Variants in TUT4 observed in about 807,000 individuals in gnomAD.
TUT4 encodes the protein terminal uridylyl transferase 4, also known as terminal uridylyltransferase 4.
A neutral mutation model predicts 192.2 loss-of-function variants in TUT4; 36 were observed. The observed-to-expected ratio is 0.19, with a 90% confidence interval of 0.14 to 0.25. The LOEUF is 0.25. Among genes scored for constraint, TUT4 ranks in the 10% least tolerant of loss-of-function variants. The pLI, the probability that TUT4 is intolerant of heterozygous loss-of-function variation, is 1.00. For synonymous variants in TUT4, 618 were observed against 666.0 expected (o/e 0.93, Z 1.11); for missense variants, 1,493 against 1,957.2 (o/e 0.76, Z 4.47).
At chr1:52,436,013 T>A (rs1478835837) in intron 26 of TUT4, among the ~76,000 whole-genome samples, 1 of 152,208 alleles carries the variant, frequency 6.6e-6, no homozygotes, top group Admixed American at 6.5e-5. Flanking sequence ...TATTTTTTTT[T>A]AATAAACTCT....
intron 1 of TUT4, among the ~76,000 whole-genome samples, chr1:52,537,954 G>C (rs1297984373): frequency 1.3e-5 from 2 of 152,078 alleles, no homozygotes; most frequent in African/African-American, 4.8e-5. Context: ...TAATTAGACT[G>C]GCTGGGCATG....
At position 52,465,310 on chromosome 1, in the gene TUT4, G is replaced by A. The variant is rs551827420; in HGVS notation, c.2966-137C>T. On this transcript the variant is annotated intron_variant, in intron 15 of 29. Transcript: ENST00000257177. ...ATTACCTACCACTGGAAGAAATACT[G>A]AGAAATTCCAAAACATCTTGAGCCC... 66 of 609,574 alleles carry A rather than the reference G, an allele frequency of 1.1e-4. No homozygotes were observed. The African/African-American group carries it at 1.2e-3, about 11-fold the overall frequency. The allele number at this position is 609,574 out of a possible 1,614,324, so 37.8% of individuals were successfully genotyped here.
chr1:52,426,367 C>G (rs942993201), intron 28 of TUT4, among the ~76,000 whole-genome samples: 3 of 152,192 alleles, frequency 2.0e-5, no homozygotes, highest in Non-Finnish European at 4.4e-5. Flanking sequence ...CCCCCCAAAT[C>G]TATTTCCCTT....
At chr1:52,480,061 G>A (rs371121292) in intron 11 of TUT4, among the ~76,000 whole-genome samples, 2 of 151,904 alleles carry the variant, frequency 1.3e-5, no homozygotes, top group East Asian at 3.9e-4. Context: ...TGGGCAGTTG[G>A]TTATACAATT....
At chr1:52,550,306 C>T (rs1689083981) in intron 1 of TUT4, among the ~76,000 whole-genome samples, 1 of 151,940 alleles carries the variant, frequency 6.6e-6, no homozygotes, top group Non-Finnish European at 1.5e-5. Flanking sequence ...TTTCCTTTGA[C>T]TTTTTTAGGT....
intron 1 of TUT4, among the ~76,000 whole-genome samples, chr1:52,543,032 G>A (rs1193188119): frequency 2.0e-5 from 3 of 152,178 alleles, no homozygotes; most frequent in African/African-American, 4.8e-5. Flanking sequence ...TGGGATTACA[G>A]GCGTGAGCCA....
intron 2 of TUT4, 107 bp downstream of exon 2, chr1:52,525,456 G>T: frequency 1.4e-6 from 2 of 1,380,420 alleles, no homozygotes; most frequent in Non-Finnish European, 9.6e-7. Context: ...GGGAACAAAA[G>T]TGCTAAACAA....
At chr1:52,456,411 CAAA>C (rs1157223640) in intron 20 of TUT4, among the ~76,000 whole-genome samples, 1 of 12,000 alleles carries the variant, frequency 8.3e-5, no homozygotes, top group Non-Finnish European at 2.2e-4. Context: ...GACTGTGTCT[CAAA>C]AAAAAAAAAA....
chr1:52,544,740 C>T (rs914358200), intron 1 of TUT4, among the ~76,000 whole-genome samples: 1 of 151,994 alleles, frequency 6.6e-6, no homozygotes, highest in Non-Finnish European at 1.5e-5. Context: ...TTTTGTTAAT[C>T]AAAAGACACT....
intron 16 of TUT4, chr1:52,462,399 G>A (rs1415884614): frequency 1.3e-5 from 2 of 152,044 alleles, no homozygotes; most frequent in African/African-American, 4.8e-5. Context: ...TGTTCACCAG[G>A]ATGGTCTCGA....
intron 1 of TUT4, among the ~76,000 whole-genome samples, chr1:52,528,179 G>A (rs1422247068): frequency 1.7e-4 from 24 of 141,600 alleles, no homozygotes; most frequent in African/African-American, 5.2e-4. Flanking sequence ...ACTCCATCTC[G>A]AAAAAAATAA....
At chr1:52,461,838 C>A (rs1246643072) in intron 16 of TUT4, 69 bp from the exon 17 acceptor site, 5 of 884,796 alleles carry the variant, frequency 5.7e-6, no homozygotes, top group South Asian at 1.7e-5. Flanking sequence ...TTAATCTAAG[C>A]ATTTAATAGT....
At chr1:52,477,447 G>A (rs1189970549) in intron 12 of TUT4, among the ~76,000 whole-genome samples, 1 of 152,102 alleles carries the variant, frequency 6.6e-6, no homozygotes, top group East Asian at 1.9e-4. Flanking sequence ...GGTAGCACAA[G>A]CCTATAGTCC....
chr1:52,511,132 T>C (rs1002793759), intron 3 of TUT4, among the ~76,000 whole-genome samples: 3 of 152,186 alleles, frequency 2.0e-5, no homozygotes, highest in African/African-American at 7.2e-5. Context: ...AAAATAAATA[T>C]AGCCATCCCT....
chr1:52,475,651 T>C, intron 12 of TUT4, 116 bp from the exon 13 acceptor site: 2 of 997,334 alleles, frequency 2.0e-6, no homozygotes, highest in Admixed American at 3.0e-5. Context: ...TCCCAAGGGG[T>C]TTTTCTAAGC....
At chr1:52,489,643 A>G (rs1268474965) in intron 8 of TUT4, among the ~76,000 whole-genome samples, 12 of 152,140 alleles carry the variant, frequency 7.9e-5, no homozygotes, top group Non-Finnish European at 4.4e-5. Flanking sequence ...AGATATTTTG[A>G]AAGCAGGGAG....
chr1:52,482,212 C>T (rs2148975068), intron 9 of TUT4, among the ~76,000 whole-genome samples: 1 of 152,018 alleles, frequency 6.6e-6, no homozygotes, highest in Non-Finnish European at 1.5e-5. Context: ...TTCATCTTGC[C>T]TCTACTTCTA....
At chr1:52,487,758 A>G (rs1281038183) in intron 9 of TUT4, among the ~76,000 whole-genome samples, 1 of 152,174 alleles carries the variant, frequency 6.6e-6, no homozygotes, top group Non-Finnish European at 1.5e-5. Context: ...ACAAACAAAA[A>G]AAAACACAAC....
intron 25 of TUT4, among the ~76,000 whole-genome samples, chr1:52,437,975 C>CA (rs1654341951): frequency 6.6e-6 from 1 of 151,172 alleles, no homozygotes; most frequent in South Asian, 2.1e-4. Flanking sequence ...AAAATAAAAA[C>CA]AAAAACAAAA....
Sources: allele counts gnomAD v4.1 joint callset (sites outside exome capture counted in the v4.1 genomes callset), GRCh38; gene constraint gnomAD v4.1.1; transcripts MANE v1.5; gene names NCBI Gene and HGNC (gene_info 2026-07-23, HGNC 2026-07-21).